The following ITPRID1 variants were observed in gnomAD, a reference collection of about 807,000 sequenced individuals.
The protein encoded by ITPRID1 is ITPR interacting domain containing 1.
Under a neutral mutation model 95.4 loss-of-function variants are expected in ITPRID1, and 96 were observed. The observed-to-expected ratio is 1.01, with a 90% CI of 0.85 to 1.19. ITPRID1 has a LOEUF of 1.19. ITPRID1 is among the 50% of genes most tolerant of loss of function. The pLI is 0.00. For synonymous variants in ITPRID1, 510 were observed against 453.6 expected, an observed-to-expected ratio of 1.12 and a Z score of -1.58; for missense variants, 1,339 against 1,252.9, an observed-to-expected ratio of 1.07 and a Z score of -1.04.
Position 31,656,102 on chromosome 7 carries a change from C to A in ITPRID1, c.*3273C>A. 1.1e-6 allele frequency: 1 copy of A among 869,806 alleles called. No homozygotes were observed. Among genetic ancestry groups the A allele is most frequent in the Non-Finnish European group, 1.4e-6 (1 of 724,734 alleles). The allele number at this position is 869,806 out of a possible 1,614,324, so 53.9% of individuals were successfully genotyped here. On this transcript the variant is annotated 3_prime_UTR_variant, in exon 15 of 15. Coordinates refer to ENST00000615280, the MANE Select transcript of ITPRID1 (RefSeq NM_001257967.3). ...TTGATGATCTGTGGCAGAAGTGATC[C>A]TTATTTTTTGAAACTCCTATATCAC...
At chr7:31,625,883 C>G (rs1788423720) in intron 10 of ITPRID1, among the ~76,000 whole-genome samples, 1 of 151,594 alleles carries the variant, frequency 6.6e-6, no homozygotes, top group Non-Finnish European at 1.5e-5. Context: ...GTGATCTCAT[C>G]TAAAATTGAA....
At chr7:31,550,457 A>G (rs1250874328) in intron 2 of ITPRID1, among the ~76,000 whole-genome samples, 1 of 152,142 alleles carries the variant, frequency 6.6e-6, no homozygotes, top group Non-Finnish European at 1.5e-5. Flanking sequence ...AGAAGTCTGC[A>G]GGCAGTCACA....
intron 10 of ITPRID1, among the ~76,000 whole-genome samples, chr7:31,615,961 T>C (rs1011992752): frequency 1.3e-5 from 2 of 151,986 alleles, no homozygotes; most frequent in Non-Finnish European, 2.9e-5. Context: ...TTCACTGTGG[T>C]CTCGCTCTCC....
At chr7:31,598,650 G>A (rs910522484) in intron 10 of ITPRID1, among the ~76,000 whole-genome samples, 4 of 152,082 alleles carry the variant, frequency 2.6e-5, no homozygotes, top group African/African-American at 4.8e-5. Context: ...TGATCCGCCC[G>A]CCTTGGCCTC....
At chr7:31,572,513 A>G (rs1785026705) in intron 7 of ITPRID1, among the ~76,000 whole-genome samples, 1 of 152,212 alleles carries the variant, frequency 6.6e-6, no homozygotes, top group Admixed American at 6.5e-5. Flanking sequence ...AGATTAAAAA[A>G]AGCAAGATGC....
At chr7:31,575,184 T>C (rs1301399237) in intron 8 of ITPRID1, among the ~76,000 whole-genome samples, 1 of 152,118 alleles carries the variant, frequency 6.6e-6, no homozygotes, top group Non-Finnish European at 1.5e-5. Context: ...AAGCTGGCAG[T>C]AATGGTGAGC....
chr7:31,526,610 A>G (rs1225607488), intron 1 of ITPRID1, among the ~76,000 whole-genome samples: 1 of 152,126 alleles, frequency 6.6e-6, no homozygotes, highest in East Asian at 1.9e-4. Flanking sequence ...TGGTTTTCAA[A>G]TTATACTTCC....
At chr7:31,625,770 AT>A (rs1227980966) in intron 10 of ITPRID1, among the ~76,000 whole-genome samples, 1 of 152,124 alleles carries the variant, frequency 6.6e-6, no homozygotes, top group African/African-American at 2.4e-5. Flanking sequence ...TTAAAGTATA[AT>A]TAAAAAAAAA....
intron 10 of ITPRID1, among the ~76,000 whole-genome samples, chr7:31,599,686 C>T (rs867573287): frequency 0.02 from 2,710 of 137,862 alleles, 253 homozygotes; most frequent in African/African-American, 0.072. Flanking sequence ...CTCTCTCTCT[C>T]TCTCTCTTTC....
chr7:31,617,190 A>G (rs1343401194), intron 10 of ITPRID1, among the ~76,000 whole-genome samples: 1 of 152,330 alleles, frequency 6.6e-6, no homozygotes, highest in East Asian at 1.9e-4. Flanking sequence ...GGAGAAGGGA[A>G]GATCCTATTA....
intron 10 of ITPRID1, among the ~76,000 whole-genome samples, chr7:31,640,590 G>A (rs1372951152): frequency 6.6e-6 from 1 of 151,810 alleles, no homozygotes; most frequent in Non-Finnish European, 1.5e-5. Context: ...ACTTGTTCCT[G>A]TTTCTCAAGG....
chr7:31,614,695 AGTGTAGAGCGTT>A (rs1289868967), intron 10 of ITPRID1, among the ~76,000 whole-genome samples: 14 of 152,292 alleles, frequency 9.2e-5, no homozygotes, highest in African/African-American at 3.1e-4. Flanking sequence ...GGGTTAGTAG[AGTGTAGAGCGTT>A]GTGGCACAGT....
At chr7:31,588,017 G>A (rs1322725955) in intron 10 of ITPRID1, among the ~76,000 whole-genome samples, 1 of 152,142 alleles carries the variant, frequency 6.6e-6, no homozygotes, top group African/African-American at 2.4e-5. Context: ...AGTTGTATGA[G>A]GACATGGCGT....
At chr7:31,575,456 A>T (rs113006647) in intron 8 of ITPRID1, among the ~76,000 whole-genome samples, 1 of 152,232 alleles carries the variant, frequency 6.6e-6, no homozygotes. Context: ...CTAGGACATT[A>T]CTAAGCATGT....
chr7:31,515,659 G>A (rs1383561174), intron 1 of ITPRID1, among the ~76,000 whole-genome samples: 1 of 152,212 alleles, frequency 6.6e-6, no homozygotes, highest in African/African-American at 2.4e-5. Context: ...AAAAAGCCCA[G>A]AGGACAAGGA....
intron 5 of ITPRID1, among the ~76,000 whole-genome samples, chr7:31,566,969 T>C (rs531351119): frequency 6.6e-6 from 1 of 152,306 alleles, no homozygotes; most frequent in South Asian, 2.1e-4. Context: ...TCAGAACAGC[T>C]CTTTTTAAAT....
chr7:31,540,134 A>C (rs1277761889), intron 1 of ITPRID1, among the ~76,000 whole-genome samples: 2 of 152,086 alleles, frequency 1.3e-5, no homozygotes, highest in East Asian at 1.9e-4. Context: ...CCTGCTGATG[A>C]GGGGATGGAG....
intron 10 of ITPRID1, among the ~76,000 whole-genome samples, chr7:31,623,077 G>T (rs1450700512): frequency 1.3e-5 from 2 of 152,024 alleles, no homozygotes; most frequent in African/African-American, 4.8e-5. Flanking sequence ...CTCTGAATAG[G>T]CCAATAACAG....
chr7:31,623,114 A>C (rs1288710945), intron 10 of ITPRID1, among the ~76,000 whole-genome samples: 1 of 152,212 alleles, frequency 6.6e-6, no homozygotes, highest in Non-Finnish European at 1.5e-5. Context: ...AATAATCAGT[A>C]GCTTACCAAC....
Sources: allele counts gnomAD v4.1 joint callset (sites outside exome capture counted in the v4.1 genomes callset), GRCh38; gene constraint gnomAD v4.1.1; transcripts MANE v1.5; gene names NCBI Gene and HGNC (gene_info 2026-07-23, HGNC 2026-07-21).